Variants in ATXN1 observed in about 807,000 individuals in gnomAD.
The protein encoded by ATXN1 is ataxin-1.
ATXN1 carries 8 observed loss-of-function variants against 56.4 expected under a neutral mutation model. The ratio of observed to expected loss-of-function variants is 0.14; its 90% CI spans 0.08 to 0.26. ATXN1 has a LOEUF of 0.26. Among genes scored for constraint, ATXN1 ranks in the 10% least tolerant of loss-of-function variants. The probability of loss-of-function intolerance (pLI) is 1.00; values close to 1 mark genes in which losing one functional copy is unlikely to be tolerated. For synonymous variants in ATXN1, 514 were observed against 494.6 expected (o/e 1.04, Z -0.52); for missense variants, 987 against 1,106.5 (o/e 0.89, Z 1.53).
intron 4 of ATXN1, among the ~76,000 whole-genome samples, chr6:16,551,230 C>T (rs1218303652): frequency 5.3e-5 from 8 of 152,170 alleles, no homozygotes; most frequent in African/African-American, 1.4e-4. Flanking sequence ...CCAGTCTAGA[C>T]GGGCTCCCAT....
intron 4 of ATXN1, among the ~76,000 whole-genome samples, chr6:16,523,292 AG>A (rs1319823499): frequency 3.3e-5 from 5 of 152,182 alleles, no homozygotes; most frequent in Non-Finnish European, 7.3e-5. Flanking sequence ...CCTGAGGCCC[AG>A]GGGACTGAGC....
In ATXN1 at chr6:16,722,523, C is replaced by G. The variant is rs141708349; in HGVS notation, c.-615+30710G>C. Among the ~76,000 whole-genome samples the G allele has an allele frequency of 3.1e-4, 47 of 152,266 alleles. No individual in the cohort carries two copies. In the East Asian group the frequency reaches 8.7e-3, roughly 28 times the overall value. ...CCCCCCACCTGCCCCACTGTTTGTT[C>G]AATAAAACTGATTCCATACACTGAA... On this transcript the variant is annotated intron_variant, in intron 2 of 7. Coordinates refer to ENST00000436367, the MANE Select transcript of ATXN1 (RefSeq NM_001128164.2).
intron 3 of ATXN1, among the ~76,000 whole-genome samples, chr6:16,609,238 A>G (rs888637478): frequency 6.6e-5 from 10 of 152,206 alleles, no homozygotes; most frequent in African/African-American, 2.4e-4. Context: ...AGCAAACCAG[A>G]TAGTGTCTGG....
At chr6:16,655,229 A>G (rs1358511967) in intron 3 of ATXN1, among the ~76,000 whole-genome samples, 3 of 152,186 alleles carry the variant, frequency 2.0e-5, no homozygotes, top group African/African-American at 4.8e-5. Flanking sequence ...TTATTTGGAT[A>G]TAATATTCAG....
chr6:16,455,158 G>C (rs553736788), intron 6 of ATXN1, among the ~76,000 whole-genome samples: 1 of 152,146 alleles, frequency 6.6e-6, no homozygotes, highest in South Asian at 2.1e-4. Context: ...AATCTAACCA[G>C]GTAGTAAGAC....
At chr6:16,548,978 C>T (rs543038274) in intron 4 of ATXN1, among the ~76,000 whole-genome samples, 2 of 152,162 alleles carry the variant, frequency 1.3e-5, no homozygotes, top group African/African-American at 4.8e-5. Flanking sequence ...AACAAACACG[C>T]ATTAGTCTAG....
chr6:16,745,845 G>A (rs929518113), intron 2 of ATXN1, among the ~76,000 whole-genome samples: 2 of 152,022 alleles, frequency 1.3e-5, no homozygotes, highest in African/African-American at 4.8e-5. Context: ...GCTGCTCTGA[G>A]AAGCTCCTCC....
At chr6:16,630,555 G>C (rs1053348265) in intron 3 of ATXN1, among the ~76,000 whole-genome samples, 6 of 152,184 alleles carry the variant, frequency 3.9e-5, no homozygotes, top group Non-Finnish European at 7.3e-5. Context: ...CAGGTCAAGA[G>C]AGCCTCCTGC....
At position 16,472,376 on chromosome 6, in the gene ATXN1, T is replaced by C. The variant is rs1760237635; in HGVS notation, c.-161+13596A>G. On this transcript the variant is annotated intron_variant, in intron 6 of 7. Transcript: ENST00000436367. ...TCACCTATAAAGCTGAGCTCATCCCTTCTTCTGGCACTTGTTCTATACTGT... is the reference window on the plus strand; with the variant it reads ...TCACCTATAAAGCTGAGCTCATCCCCTCTTCTGGCACTTGTTCTATACTGT... Among the ~76,000 whole-genome samples, 3 of 152,332 alleles carry C rather than the reference T, an allele frequency of 2.0e-5. No homozygotes were observed. In the South Asian group the frequency reaches 6.2e-4, roughly 32 times the overall value.
intron 2 of ATXN1, among the ~76,000 whole-genome samples, chr6:16,702,141 A>G (rs1378049571): frequency 6.6e-6 from 1 of 152,178 alleles, no homozygotes; most frequent in Non-Finnish European, 1.5e-5. Flanking sequence ...ACAGAGATAT[A>G]GACCAATGGA....
intron 5 of ATXN1, among the ~76,000 whole-genome samples, chr6:16,503,850 T>G (rs562079102): frequency 2.0e-4 from 30 of 152,278 alleles, no homozygotes; most frequent in Admixed American, 3.3e-4. Context: ...AAATATAAAA[T>G]GTACCATCTT....
chr6:16,515,612 T>C (rs1761166993), intron 5 of ATXN1, among the ~76,000 whole-genome samples: 1 of 152,178 alleles, frequency 6.6e-6, no homozygotes, highest in African/African-American at 2.4e-5. Flanking sequence ...CAAGGCAGTC[T>C]CCCCCTTTCT....
intron 2 of ATXN1, among the ~76,000 whole-genome samples, chr6:16,748,393 C>G (rs752048352): frequency 2.6e-5 from 4 of 152,108 alleles, no homozygotes; most frequent in Non-Finnish European, 5.9e-5. Flanking sequence ...CTTATGCACT[C>G]GACTGTAAGC....
chr6:16,731,539 C>T (rs762817072), intron 2 of ATXN1, among the ~76,000 whole-genome samples: 3 of 136,434 alleles, frequency 2.2e-5, no homozygotes, highest in Non-Finnish European at 3.1e-5. Flanking sequence ...TAAACCAGAG[C>T]GACCAAGGGC....
intron 2 of ATXN1, among the ~76,000 whole-genome samples, chr6:16,704,294 G>T (rs1219790011): frequency 2.6e-5 from 4 of 151,930 alleles, no homozygotes; most frequent in African/African-American, 9.7e-5. Context: ...CTGTTTTACG[G>T]AGCAGTTCCT....
chr6:16,685,034 C>T (rs1292256223), intron 2 of ATXN1, among the ~76,000 whole-genome samples: 1 of 152,022 alleles, frequency 6.6e-6, no homozygotes, highest in Non-Finnish European at 1.5e-5. Context: ...CACACACACA[C>T]ACATACGTAC....
At chr6:16,632,470 T>G (rs766988460) in intron 3 of ATXN1, among the ~76,000 whole-genome samples, 2 of 152,170 alleles carry the variant, frequency 1.3e-5, no homozygotes, top group Non-Finnish European at 2.9e-5. Flanking sequence ...AGTTTTGATT[T>G]GAATTCACAC....
At chr6:16,717,786 T>C (rs1015308323) in intron 2 of ATXN1, among the ~76,000 whole-genome samples, 4 of 152,186 alleles carry the variant, frequency 2.6e-5, no homozygotes, top group African/African-American at 9.7e-5. Context: ...AAGCCATCTC[T>C]AGTCTCCAAA....
intron 3 of ATXN1, among the ~76,000 whole-genome samples, chr6:16,640,200 A>G (rs1385652450): frequency 6.6e-6 from 1 of 152,088 alleles, no homozygotes; most frequent in Non-Finnish European, 1.5e-5. Context: ...TTGCGCTGTT[A>G]TATCTGTTAT....
Sources: gnomAD v4.1 joint callset for allele counts (sites outside exome capture counted in the v4.1 genomes callset) on GRCh38, gnomAD v4.1.1 for gene constraint, MANE v1.5 for transcripts, NCBI Gene and HGNC (gene_info 2026-07-23, HGNC 2026-07-21) for gene names.